The following NOSTRIN variants were observed in gnomAD, a reference collection of about 807,000 sequenced individuals.
NOSTRIN encodes the protein nitric oxide synthase trafficking, also known as BM247 homolog.
Under a neutral mutation model 59.0 loss-of-function variants are expected in NOSTRIN, and 63 were observed. The observed-to-expected ratio is 1.07, with a 90% CI of 0.87 to 1.32. The LOEUF (loss-of-function observed/expected upper bound fraction) is 1.32. Ranked by LOEUF, NOSTRIN falls within the 40% of genes most tolerant of loss-of-function variation. The pLI, the probability that NOSTRIN is intolerant of heterozygous loss-of-function variation, is 0.00. For missense variants in NOSTRIN, 512 were observed against 473.1 expected (o/e 1.08, Z -0.76); for synonymous variants, 200 against 165.4 (o/e 1.21, Z -1.61).
chr2:168,837,329 A>G (rs1477875153), intron 7 of NOSTRIN, among the ~76,000 whole-genome samples: 1 of 13,184 alleles, frequency 7.6e-5, no homozygotes, highest in Non-Finnish European at 1.9e-4. Context: ...TTTTTTTTTG[A>G]GATGGAGTCT....
intron 1 of NOSTRIN, among the ~76,000 whole-genome samples, chr2:168,809,785 TAAA>T (rs1262348315): frequency 1.3e-5 from 2 of 149,680 alleles, no homozygotes; most frequent in Admixed American, 1.3e-4. Flanking sequence ...ATAAAAATAA[TAAA>T]AAGTTAGTTT....
At position 168,864,972 on chromosome 2, in the gene NOSTRIN, A is replaced by G; in HGVS notation, c.*2A>G. 3 of 1,613,992 alleles carry G rather than the reference A, an allele frequency of 1.9e-6. No individual in the cohort carries two copies. The highest frequency in any genetic ancestry group is 2.5e-6 in the Non-Finnish European group (3 of 1,179,976). On this transcript the variant is annotated 3_prime_UTR_variant, in exon 16 of 16. Coordinates refer to ENST00000317647, the MANE Select transcript of NOSTRIN (RefSeq NM_001039724.4). ...GGCAACACAGCTACAAAGGCATAAA[A>G]CAAGACTCTGAACATACTACCTTCA... is the stretch of plus-strand genomic sequence containing the variant.
chr2:168,807,371 A>G (rs1685910763), intron 1 of NOSTRIN, among the ~76,000 whole-genome samples: 1 of 152,236 alleles, frequency 6.6e-6, no homozygotes, highest in African/African-American at 2.4e-5. Context: ...AAGTCTCAGT[A>G]GATGGTACAT....
chr2:168,862,873 C>T (rs1689554275), intron 15 of NOSTRIN, among the ~76,000 whole-genome samples: 1 of 152,198 alleles, frequency 6.6e-6, no homozygotes, highest in Non-Finnish European at 1.5e-5. Flanking sequence ...TTATCCACGA[C>T]AAGGACATGG....
upstream of NOSTRIN, among the ~76,000 whole-genome samples, chr2:168,799,708 A>C (rs778756017): frequency 1.3e-5 from 2 of 152,188 alleles, no homozygotes; most frequent in Non-Finnish European, 2.9e-5. Flanking sequence ...TCCTAACGCC[A>C]GTCTGCTGAG....
chr2:168,853,802 C>T (rs1688912964), intron 10 of NOSTRIN, among the ~76,000 whole-genome samples: 1 of 152,112 alleles, frequency 6.6e-6, no homozygotes, highest in Non-Finnish European at 1.5e-5. Flanking sequence ...ATCTGTGTCA[C>T]AGGTAAAATG....
chr2:168,842,881 A>T, intron 7 of NOSTRIN, 111 bp from the exon 8 acceptor site: 1 of 757,786 alleles, frequency 1.3e-6, no homozygotes, highest in Non-Finnish European at 2.3e-6. Context: ...TTATGACTCT[A>T]CGTGAGAGGT....
At chr2:168,841,394 GC>G (rs1190409697) in intron 7 of NOSTRIN, among the ~76,000 whole-genome samples, 2 of 151,740 alleles carry the variant, frequency 1.3e-5, no homozygotes, top group Admixed American at 6.5e-5. Flanking sequence ...GTCAGTTTCA[GC>G]TACCCTGGCC....
At chr2:168,846,206 AG>A (rs1379723060) in intron 8 of NOSTRIN, among the ~76,000 whole-genome samples, 1 of 152,202 alleles carries the variant, frequency 6.6e-6, no homozygotes, top group African/African-American at 2.4e-5. Flanking sequence ...GTCAAATGTT[AG>A]ATTCATGAAG....
chr2:168,840,201 C>T (rs1268417275), intron 7 of NOSTRIN, among the ~76,000 whole-genome samples: 1 of 151,972 alleles, frequency 6.6e-6, no homozygotes, highest in Admixed American at 6.6e-5. Flanking sequence ...GCTTGAGTTT[C>T]TACAGACACA....
Position 168,843,128 on chromosome 2 carries a change from T to C in NOSTRIN, c.630+11T>C. 2 of 860,966 alleles carry C rather than the reference T, an allele frequency of 2.3e-6. No individual in the cohort carries two copies. Among genetic ancestry groups the C allele is most frequent in the Non-Finnish European group, 4.0e-6 (2 of 496,816 alleles). The allele number at this position is 860,966 out of a possible 1,614,324, so 53.3% of individuals were successfully genotyped here. A position where few individuals can be genotyped will look rare whatever the true frequency, so the allele number is the denominator to read the frequency against. On this transcript the variant is annotated intron_variant, in intron 8 of 15. Coordinates refer to ENST00000317647, the MANE Select transcript of NOSTRIN (RefSeq NM_001039724.4). The stretch of plus-strand genomic sequence containing the variant: ...GAGAACTGCTACCAGGTAAGTTATA[T>C]ATTCACATTTTTTTCTTCTTCTGTG...
intron 3 of NOSTRIN, among the ~76,000 whole-genome samples, chr2:168,827,425 T>G (rs7566078): frequency 5.9e-5 from 9 of 152,370 alleles, no homozygotes; most frequent in African/African-American, 2.2e-4. Context: ...CAGCAGGACA[T>G]GAACAGGGCT....
upstream of NOSTRIN, among the ~76,000 whole-genome samples, chr2:168,801,807 T>A (rs1685621578): frequency 6.6e-6 from 1 of 152,122 alleles, no homozygotes; most frequent in Non-Finnish European, 1.5e-5. Context: ...CAAGCTGTGG[T>A]TGAGTTCTTG....
At chr2:168,856,816 T>C in intron 12 of NOSTRIN, 38 bp downstream of exon 12, 7 of 1,574,388 alleles carry the variant, frequency 4.4e-6, no homozygotes, top group Non-Finnish European at 6.1e-6. Context: ...GATGTAGTGA[T>C]GAAAAGGGTT....
At chr2:168,803,215 T>G (rs760730850) in intron 1 of NOSTRIN, among the ~76,000 whole-genome samples, 2 of 152,184 alleles carry the variant, frequency 1.3e-5, no homozygotes, top group African/African-American at 4.8e-5. Flanking sequence ...TTGTTCGTTT[T>G]GGTAATGTTT....
At chr2:168,807,717 G>T (rs543262) in intron 1 of NOSTRIN, among the ~76,000 whole-genome samples, 2 of 152,028 alleles carry the variant, frequency 1.3e-5, no homozygotes, top group Non-Finnish European at 2.9e-5. Context: ...GGCAGAGTAT[G>T]GCTGGGAGCG....
In NOSTRIN at chr2:168,811,588, C is replaced by A; in HGVS notation, c.49C>A (p.Leu17Ile). 1 of 860,908 alleles carries A rather than the reference C, an allele frequency of 1.2e-6. No homozygotes were observed. Among genetic ancestry groups the A allele is most frequent in the Non-Finnish European group, 2.0e-6 (1 of 497,022 alleles). The allele number at this position is 860,908 out of a possible 1,614,324, so 53.3% of individuals were successfully genotyped here. A position where few individuals can be genotyped will look rare whatever the true frequency, so the allele number is the denominator to read the frequency against. Residue 17 changes from leucine to isoleucine, a missense_variant, in exon 2 of 16, where the codon CTA (leucine) becomes ATA (isoleucine). Physicochemically the swap from Leu to Ile is conservative, Grantham distance 5 (BLOSUM62 2). Transcript: ENST00000317647. Reference sequence around the variant, plus strand: ...TCAGTATAATAAAGTATACAAGAACCTAAAGGAGTTTTCTCAAAATGGAGA... The same window carrying A: ...TCAGTATAATAAAGTATACAAGAACATAAAGGAGTTTTCTCAAAATGGAGA... ...DCPYNKVYKN[L>I]KEFSQNGENF...
chr2:168,859,026 G>C (rs1328816753), intron 12 of NOSTRIN: 1 of 152,542 alleles, frequency 6.6e-6, no homozygotes, highest in East Asian at 1.9e-4. Flanking sequence ...AAGTATTCCT[G>C]TAAACTTTGT....
chr2:168,865,025 T>TGGC lies in NOSTRIN; in HGVS notation c.*55_*56insGGC. 6.3e-7 allele frequency: 1 copy of TGGC among 1,576,654 alleles called. No individual in the cohort carries two copies. Among genetic ancestry groups the TGGC allele is most frequent in the Non-Finnish European group, 8.6e-7 (1 of 1,157,538 alleles). ...CTCGGTAATCAACAATACAGTGTGGTTCAAATAAGAATAAAGTGCTCTTAC... is the reference window on the plus strand; with the variant it reads ...CTCGGTAATCAACAATACAGTGTGGTGGCTCAAATAAGAATAAAGTGCTCTTAC... On this transcript the variant is annotated 3_prime_UTR_variant, in exon 16 of 16. Transcript: ENST00000317647.
Sources: allele counts gnomAD v4.1 joint callset (sites outside exome capture counted in the v4.1 genomes callset), GRCh38; gene constraint gnomAD v4.1.1; transcripts MANE v1.5; gene names NCBI Gene and HGNC (gene_info 2026-07-23, HGNC 2026-07-21).